The following ABCB5 variants were observed in gnomAD, a reference collection of about 807,000 sequenced individuals.
ABCB5 encodes ATP-binding cassette sub-family B member 5.
Under a neutral mutation model 144.2 loss-of-function variants are expected in ABCB5, and 155 were observed. The observed-to-expected ratio is 1.08, with a 90% confidence interval of 0.94 to 1.23. ABCB5 has a LOEUF of 1.23. Ranked by LOEUF, ABCB5 falls within the 50% of genes most tolerant of loss-of-function variation. ABCB5 has a pLI of 0.00. For missense variants in ABCB5, 1,830 were observed against 1,520.8 expected, an observed-to-expected ratio of 1.20 and a Z score of -3.38; for synonymous variants, 610 against 528.6, an observed-to-expected ratio of 1.15 and a Z score of -2.11.
At chr7:20,738,941 G>A in intron 23 of ABCB5, 42 bp from the exon 24 acceptor site, 1 of 1,528,466 alleles carries the variant, frequency 6.5e-7, no homozygotes, top group South Asian at 1.3e-5. Context: ...GTTTTACAAA[G>A]GATCGATGGA....
chr7:20,745,583 T>C, intron 26 of ABCB5, 145 bp downstream of exon 26: 1 of 882,920 alleles, frequency 1.1e-6, no homozygotes, highest in Non-Finnish European at 1.7e-6. Flanking sequence ...AAACATGAAG[T>C]CAGATGCGAA....
chr7:20,680,739 G>A (rs1042733136), intron 14 of ABCB5, among the ~76,000 whole-genome samples: 1 of 151,954 alleles, frequency 6.6e-6, no homozygotes, highest in Non-Finnish European at 1.5e-5. Flanking sequence ...AATGATACTT[G>A]TAAAAAAGTT....
At position 20,742,990 on chromosome 7, in the gene ABCB5, A is replaced by G. The variant is rs934475489; in HGVS notation, c.3138A>G (p.Val1046=). The change falls in exon 25 of 28, where the codon GTA becomes GTG. Residue 1046 remains valine, a synonymous_variant. Coordinates refer to ENST00000404938, the MANE Select transcript of ABCB5 (RefSeq NM_001163941.2). ...TCAGTATTGAGCGAGGAAAGACAGT[A>G]GCATTTGTGGGGAGCAGCGGCTGTG... is the stretch of plus-strand genomic sequence containing the variant. ...LSLSIERGKT[V]AFVGSSGCGK... 6.2e-7 allele frequency: 1 copy of G among 1,614,206 alleles called. No individual in the cohort carries two copies. The highest frequency in any genetic ancestry group is 8.5e-7 in the Non-Finnish European group (1 of 1,180,036).
intron 24 of ABCB5, 33 bp downstream of exon 24, chr7:20,739,172 A>G: frequency 1.3e-6 from 2 of 1,529,866 alleles, no homozygotes; most frequent in Non-Finnish European, 1.8e-6. Flanking sequence ...ATGTCCAAAT[A>G]AAGATGGCAA....
chr7:20,683,353 A>G (rs1785887543), intron 15 of ABCB5, among the ~76,000 whole-genome samples: 1 of 152,208 alleles, frequency 6.6e-6, no homozygotes, highest in Non-Finnish European at 1.5e-5. Flanking sequence ...TTGATAATCG[A>G]ATTTTTATTC....
intron 20 of ABCB5, among the ~76,000 whole-genome samples, chr7:20,719,989 A>G (rs531994089): frequency 2.0e-4 from 30 of 152,200 alleles, no homozygotes; most frequent in African/African-American, 7.2e-4. Flanking sequence ...TAGTCTGACC[A>G]CTGAATTCTA....
rs930113893 is a variant in ABCB5, at chr7:20,753,652, T to A, written c.3576+146T>A. Reference sequence around the variant, plus strand: ...CCAGTTCCAATTAAGGCTTTGGACCTTTACAAAAAGGTCAGTAGGTGGTGG... The same window carrying A: ...CCAGTTCCAATTAAGGCTTTGGACCATTACAAAAAGGTCAGTAGGTGGTGG... On this transcript the variant is annotated intron_variant, in intron 27 of 27. Coordinates refer to ENST00000404938, the MANE Select transcript of ABCB5 (RefSeq NM_001163941.2). 6.6e-6 allele frequency: 6 copies of A among 912,136 alleles called. No homozygotes were observed. In the East Asian group the frequency reaches 1.5e-4, roughly 22 times the overall value. The allele number at this position is 912,136 out of a possible 1,614,324, so 56.5% of individuals were successfully genotyped here. A position where few individuals can be genotyped will look rare whatever the true frequency, so the allele number is the denominator to read the frequency against.
At chr7:20,626,854 G>GGT (rs370537783) in intron 3 of ABCB5, among the ~76,000 whole-genome samples, 35,079 of 143,512 alleles carry the variant, frequency 0.24, 4,099 homozygotes, top group Non-Finnish European at 0.28. Flanking sequence ...GTGTTTTTGG[G>GGT]GTGTGTGTGT....
chr7:20,746,066 T>C (rs1259877729), intron 26 of ABCB5, among the ~76,000 whole-genome samples: 1 of 151,974 alleles, frequency 6.6e-6, no homozygotes, highest in African/African-American at 2.4e-5. Flanking sequence ...AGCCTAGACC[T>C]CCCTTAGGTT....
chr7:20,671,932 T>C (rs1338755434), intron 14 of ABCB5, among the ~76,000 whole-genome samples: 1 of 152,230 alleles, frequency 6.6e-6, no homozygotes, highest in Non-Finnish European at 1.5e-5. Context: ...CTACAAGAGA[T>C]ATATTAAAAT....
At position 20,658,655 on chromosome 7, in the gene ABCB5, T is replaced by A; in HGVS notation, c.1686T>A (p.Ala562=). ...TSALDSESKS[A]VQAALEKASK... ...CCCTGGATTCAGAAAGCAAGTCAGC[T>A]GTTCAAGCTGCACTGGAGAAGGTAA... Residue 562 remains alanine, a synonymous_variant, in exon 14 of 28, where the codon GCT becomes GCA. Transcript: ENST00000404938. The A allele has an allele frequency of 6.2e-7, 1 of 1,614,168 alleles. No individual in the cohort carries two copies. The highest frequency in any genetic ancestry group is 8.5e-7 in the Non-Finnish European group (1 of 1,180,006).
chr7:20,729,290 C>A (rs1782135762), intron 23 of ABCB5, among the ~76,000 whole-genome samples: 1 of 152,260 alleles, frequency 6.6e-6, no homozygotes. Context: ...GCAAAATATG[C>A]CTTCTTGTCA....
At chr7:20,717,434 C>A (rs1781710646) in intron 20 of ABCB5, among the ~76,000 whole-genome samples, 1 of 145,644 alleles carries the variant, frequency 6.9e-6, no homozygotes, top group Non-Finnish European at 1.5e-5. Flanking sequence ...GTCCAGATTT[C>A]CTCTTTTTTT....
At chr7:20,737,945 A>G (rs1262038837) in intron 23 of ABCB5, among the ~76,000 whole-genome samples, 6 of 152,192 alleles carry the variant, frequency 3.9e-5, no homozygotes, top group Non-Finnish European at 8.8e-5. Context: ...TATATTTTAT[A>G]CTGTGTTTGA....
At chr7:20,698,631 C>T (rs1786505319) in intron 17 of ABCB5, 81 bp downstream of exon 17, 1 of 1,374,070 alleles carries the variant, frequency 7.3e-7, no homozygotes. Context: ...TCAGTCTAAA[C>T]CACAAGGGGA....
chr7:20,687,155 G>T (rs1282537911), intron 16 of ABCB5, among the ~76,000 whole-genome samples: 1 of 152,180 alleles, frequency 6.6e-6, no homozygotes, highest in Non-Finnish European at 1.5e-5. Flanking sequence ...GGCAAGAGTG[G>T]AGGAAACACT....
intron 24 of ABCB5, among the ~76,000 whole-genome samples, chr7:20,740,194 C>A (rs1782519077): frequency 6.6e-6 from 1 of 152,166 alleles, no homozygotes; most frequent in African/African-American, 2.4e-5. Flanking sequence ...GAGCCGAGAT[C>A]ACGCCACTGC....
intron 23 of ABCB5, among the ~76,000 whole-genome samples, chr7:20,731,741 G>A (rs1782229433): frequency 6.6e-6 from 1 of 152,136 alleles, no homozygotes; most frequent in Non-Finnish European, 1.5e-5. Context: ...GCCCAAAAAT[G>A]TTGGAGTCAT....
intron 16 of ABCB5, among the ~76,000 whole-genome samples, chr7:20,698,007 A>G (rs6965084): frequency 0.19 from 28,339 of 152,206 alleles, 2,832 homozygotes; most frequent in Non-Finnish European, 0.23. Flanking sequence ...TTTACCTTCC[A>G]CATTTTCTTT....
Sources: allele counts gnomAD v4.1 joint callset (sites outside exome capture counted in the v4.1 genomes callset), GRCh38; gene constraint gnomAD v4.1.1; transcripts MANE v1.5; gene names NCBI Gene and HGNC (gene_info 2026-07-23, HGNC 2026-07-21).